The following ZNF552 variants were observed in gnomAD, a reference collection of about 807,000 sequenced individuals.
ZNF552 encodes zinc finger protein 552.
ZNF552 carries 2 observed loss-of-function variants against 7.2 expected under a neutral mutation model. The ratio of observed to expected loss-of-function variants is 0.28; its 90% confidence interval spans 0.11 to 0.88. The LOEUF is 0.88. Ranked by LOEUF, ZNF552 falls within the 40% of genes least tolerant of loss-of-function variation. ZNF552 has a pLI of 0.60. For missense variants in ZNF552, 421 were observed against 493.4 expected (o/e 0.85, Z 1.39); for synonymous variants, 173 against 176.5 (o/e 0.98, Z 0.16).
In ZNF552 at chr19:57,807,755, C is replaced by A. The variant is rs7250447; in HGVS notation, c.*285G>T. 0.15 allele frequency: 52,417 copies of A among 340,904 alleles called. 4,349 individuals are homozygous for A. Among genetic ancestry groups the A allele is most frequent in the East Asian group, 0.17 (2,806 of 16,672 alleles). 21.1% of individuals were successfully genotyped at this position (340,904 alleles called of 1,614,324 possible). On this transcript the variant is annotated 3_prime_UTR_variant, in exon 3 of 3. Coordinates refer to ENST00000391701, the MANE Select transcript of ZNF552 (RefSeq NM_024762.3). ...CCCATGTAGCAATCCTCCCACATGA[C>A]AGCTCTCCTGTGAGTTATGCAGCCA...
rs1374634858 is a variant in ZNF552, at chr19:57,808,581, C to G, written c.683G>C (p.Ser228Thr). 25 of 1,614,078 alleles carry G rather than the reference C, an allele frequency of 1.5e-5. No individual in the cohort carries two copies. Among genetic ancestry groups the G allele is most frequent in the South Asian group, 2.2e-5 (2 of 91,092 alleles). The change falls in exon 3 of 3, where the codon AGT (serine) becomes ACT (threonine). Residue 228 changes from serine to threonine, a missense_variant. Transcript: ENST00000391701. ...MKHFSTKDILSQHERLLPTEE... is the reference protein window; with the variant it reads ...MKHFSTKDILTQHERLLPTEE... The stretch of plus-strand genomic sequence containing the variant: ...TGTAGGGAGCAGTCTCTCGTGCTGA[C>G]TGAGTATATCTTTGGTGCTAAAATG...
rs140146533 is a variant in ZNF552, at chr19:57,812,928, G to A, written c.160+366C>T. ...ACAGTCTATAGTCTATGTAGGCAGT[G>A]ACAATGTCAATGAAGACAATTCCTG... On this transcript the variant is annotated intron_variant, in intron 2 of 2. Transcript: ENST00000391701. The A allele has an allele frequency of 2.2e-3, 665 of 298,872 alleles. 3 individuals are homozygous for A. The highest frequency in any genetic ancestry group is 0.013 in the African/African-American group (605 of 47,434). The allele number at this position is 298,872 out of a possible 1,614,324, so 18.5% of individuals were successfully genotyped here. A position where few individuals can be genotyped will look rare whatever the true frequency, so the allele number is the denominator to read the frequency against.
intron 2 of ZNF552, 74 bp downstream of exon 2, chr19:57,813,220 A>G: frequency 1.7e-5 from 27 of 1,596,266 alleles, no homozygotes; most frequent in Non-Finnish European, 2.1e-5. Flanking sequence ...GACATGAGAA[A>G]GTCTTGCCAA....
intron 1 of ZNF552, among the ~76,000 whole-genome samples, chr19:57,813,727 CCTCA>C (rs1385167414): frequency 4.1e-5 from 6 of 146,622 alleles, no homozygotes; most frequent in African/African-American, 1.3e-4. Context: ...TCTGAACGCA[CCTCA>C]TTCTTTTTTT....
chr19:57,813,056 C>G, intron 2 of ZNF552: 2 of 563,236 alleles, frequency 3.6e-6, no homozygotes. Context: ...AACAAGGTAG[C>G]CTGCATTAAG....
At chr19:57,812,541 T>A (rs1284900238) in intron 2 of ZNF552, among the ~76,000 whole-genome samples, 3 of 152,046 alleles carry the variant, frequency 2.0e-5, no homozygotes, top group Non-Finnish European at 4.4e-5. Flanking sequence ...ACTCAGCACA[T>A]GACAGCAGAC....
chr19:57,810,611 CA>C (rs1600091039), intron 2 of ZNF552, among the ~76,000 whole-genome samples: 1 of 152,124 alleles, frequency 6.6e-6, no homozygotes, highest in Non-Finnish European at 1.5e-5. Flanking sequence ...CCCAGGGACA[CA>C]AAACACTGCC....
intron 1 of ZNF552, chr19:57,814,444 G>C (rs766827564): frequency 1.8e-4 from 261 of 1,420,212 alleles, no homozygotes; most frequent in Non-Finnish European, 2.3e-4. Context: ...CCGCCTCACA[G>C]GTTGTTCCCT....
At chr19:57,812,725 C>T (rs1987880756) in intron 2 of ZNF552, among the ~76,000 whole-genome samples, 1 of 152,150 alleles carries the variant, frequency 6.6e-6, no homozygotes, top group African/African-American at 2.4e-5. Context: ...TGTGCCACCA[C>T]ACCTGGCTAA....
Position 57,808,205 on chromosome 19 carries a change from C to T in ZNF552, c.1059G>A (p.Glu353=). The T allele has an allele frequency of 6.2e-7, 1 of 1,614,194 alleles. No individual in the cohort carries two copies. The highest frequency in any genetic ancestry group is 8.5e-7 in the Non-Finnish European group (1 of 1,180,032). ...CAAAAGATTTCCCACATTCACTGCACTCATAAGGCTTCTGACCAGTGTGAA... is the reference window on the plus strand; with the variant it reads ...CAAAAGATTTCCCACATTCACTGCATTCATAAGGCTTCTGACCAGTGTGAA... ...KRVHTGQKPY[E]CSECGKSFAE... Residue 353 remains glutamate, a synonymous_variant, in exon 3 of 3, where the codon GAG becomes GAA. Transcript: ENST00000391701.
intron 1 of ZNF552, among the ~76,000 whole-genome samples, chr19:57,814,038 C>T (rs560574242): frequency 1.3e-5 from 2 of 152,202 alleles, no homozygotes; most frequent in African/African-American, 4.8e-5. Flanking sequence ...CCGGCCCCAC[C>T]CTCCACTTTC....
Position 57,808,216 on chromosome 19 carries a change from TC to T in ZNF552, c.1047del (p.Lys350SerfsTer74). On this transcript the variant is annotated frameshift_variant, in exon 3 of 3. Coordinates refer to ENST00000391701, the MANE Select transcript of ZNF552 (RefSeq NM_024762.3). LOFTEE classifies it low-confidence loss of function (END_TRUNC). ...CCACATTCACTGCACTCATAAGGCT[TC>T]TGACCAGTGTGAACTCTCTTATGAA... ...FRVHKRVHTG[Q>X]KPYECSECGK... The T allele has an allele frequency of 6.2e-7, 1 of 1,614,156 alleles. No individual in the cohort carries two copies. The highest frequency in any genetic ancestry group is 8.5e-7 in the Non-Finnish European group (1 of 1,180,026).
chr19:57,814,910 T>A lies in ZNF552; in HGVS notation c.-167A>T. 1 of 706,616 alleles carries A rather than the reference T, an allele frequency of 1.4e-6. No homozygotes were observed. The allele number at this position is 706,616 out of a possible 1,614,324, so 43.8% of individuals were successfully genotyped here. A position where few individuals can be genotyped will look rare whatever the true frequency, so the allele number is the denominator to read the frequency against. On this transcript the variant is annotated 5_prime_UTR_variant, in exon 1 of 3. Coordinates refer to ENST00000391701, the MANE Select transcript of ZNF552 (RefSeq NM_024762.3). ...CCCTAACGCCAATGGAAATGGTCGC[T>A]ACTAAAGGGCGCCGGGAGTCCCGCC...
chr19:57,809,003 G>C lies in ZNF552; in HGVS notation c.261C>G (p.Pro87=). 6.4e-7 allele frequency: 1 copy of C among 1,571,622 alleles called. No individual in the cohort carries two copies. The highest frequency in any genetic ancestry group is 1.2e-5 in the South Asian group (1 of 85,704). Residue 87 remains proline (P), a synonymous_variant, in exon 3 of 3, where the codon CCC becomes CCG. Coordinates refer to ENST00000391701, the MANE Select transcript of ZNF552 (RefSeq NM_024762.3). The part of the protein sequence containing the change: ...QVRTPMAGVS[P]KKAHPCEMCG... ...ACATCTCACAGGGGTGGGCCTTCTT[G>C]GGAGACACACCTGCCATAGGAGTCC... is the stretch of plus-strand genomic sequence containing the variant.
intron 1 of ZNF552, chr19:57,814,471 C>T (rs1308688426): frequency 1.3e-6 from 2 of 1,527,236 alleles, no homozygotes; most frequent in Non-Finnish European, 1.8e-6. Flanking sequence ...GCCTGTGGAC[C>T]CCAGGTTCCA....
chr19:57,808,888 T>A lies in ZNF552; in HGVS notation c.376A>T (p.Asn126Tyr), dbSNP rs1294716013. The A allele has an allele frequency of 6.2e-7, 1 of 1,613,212 alleles. No homozygotes were observed. Among genetic ancestry groups the A allele is most frequent in the Admixed American group, 1.7e-5 (1 of 59,866 alleles). The change falls in exon 3 of 3, where the codon AAT becomes TAT. Residue 126 changes from asparagine (N) to tyrosine (Y), a missense_variant. Coordinates refer to ENST00000391701, the MANE Select transcript of ZNF552 (RefSeq NM_024762.3). ...AAGTTTCCACTGTCATACAATTTAT[T>A]CCCCCAGGCCTCACACCTGTGCAGT... ...QKLHRCEAWG[N>Y]KLYDSGNFHQ...
Position 57,811,574 on chromosome 19 carries a change from C to T in ZNF552, c.160+1720G>A, listed in dbSNP as rs564892988. 3.6e-3 allele frequency among the ~76,000 whole-genome samples: 542 copies of T among 152,084 alleles called. 3 individuals carry two copies. Among genetic ancestry groups the T allele is most frequent in the Non-Finnish European group, 4.2e-3 (284 of 67,966 alleles). ...GAGAGGCAGGCCACCCTTCATTAGC[C>T]GGGCATGGTGGCACATGCCTGTAAT... On this transcript the variant is annotated intron_variant, in intron 2 of 2. Transcript: ENST00000391701.
intron 2 of ZNF552, among the ~76,000 whole-genome samples, chr19:57,812,259 CAT>C (rs1987872776): frequency 6.6e-6 from 1 of 151,880 alleles, no homozygotes; most frequent in Non-Finnish European, 1.5e-5. Flanking sequence ...ATACAGAAAT[CAT>C]GTGTGCTTAC....
chr19:57,807,777 G>T lies in ZNF552; in HGVS notation c.*263C>A. 2.3e-6 allele frequency: 1 copy of T among 425,816 alleles called. No homozygotes were observed. Among genetic ancestry groups the T allele is most frequent in the Non-Finnish European group, 3.9e-6 (1 of 256,686 alleles). 26.4% of individuals were successfully genotyped at this position (425,816 alleles called of 1,614,324 possible). ...TGACAGCTCTCCTGTGAGTTATGCA[G>T]CCAGACTTCTGGATAAATATCCTGT... is the stretch of plus-strand genomic sequence containing the variant. On this transcript the variant is annotated 3_prime_UTR_variant, in exon 3 of 3. Transcript: ENST00000391701.
Sources: gnomAD v4.1 joint callset for allele counts (sites outside exome capture counted in the v4.1 genomes callset) on GRCh38, gnomAD v4.1.1 for gene constraint, MANE v1.5 for transcripts, NCBI Gene and HGNC (gene_info 2026-07-23, HGNC 2026-07-21) for gene names.